Variants in PTPRG observed in about 807,000 individuals in gnomAD.
The protein encoded by PTPRG is protein tyrosine phosphatase receptor type G, also known as receptor-type tyrosine-protein phosphatase gamma.
PTPRG carries 102 observed loss-of-function variants against 165.3 expected under a neutral mutation model. The observed-to-expected ratio is 0.62, with a 90% CI of 0.53 to 0.73. PTPRG has a LOEUF of 0.73. Among genes scored for constraint, PTPRG ranks in the 30% least tolerant of loss-of-function variants. The pLI, the probability that PTPRG is intolerant of heterozygous loss-of-function variation, is 0.00. For missense variants in PTPRG, 1,866 were observed against 1,861.4 expected (o/e 1.00, Z -0.05); for synonymous variants, 675 against 669.5 (o/e 1.01, Z -0.13).
In PTPRG at chr3:62,212,015, G is replaced by C. The variant is rs188440159; in HGVS notation, c.2156-6836G>C. ...AATGGAGGCACTTTACTCAGATTCT[G>C]CTGGGTGCTGAAATAAAGACGGAGA... On this transcript the variant is annotated intron_variant, in intron 12 of 29. Transcript: ENST00000474889. Among the ~76,000 whole-genome samples, 88 of 150,780 alleles carry C rather than the reference G, an allele frequency of 5.8e-4. 1 individual carries two copies. Among genetic ancestry groups the C allele is most frequent in the Non-Finnish European group, 1.1e-3 (74 of 67,784 alleles).
At chr3:61,666,272 G>GT (rs1233581137) in intron 1 of PTPRG, among the ~76,000 whole-genome samples, 1 of 152,220 alleles carries the variant, frequency 6.6e-6, no homozygotes, top group Non-Finnish European at 1.5e-5. Context: ...TTTCTCTTCT[G>GT]TTATCTGTCT....
intron 2 of PTPRG, among the ~76,000 whole-genome samples, chr3:61,759,158 C>T (rs71296738): frequency 3.5e-4 from 53 of 152,094 alleles, no homozygotes; most frequent in Non-Finnish European, 7.2e-4. Flanking sequence ...TGGTTATCTT[C>T]TTGGTTGTCT....
chr3:62,236,211 C>G (rs1701030482), intron 14 of PTPRG, among the ~76,000 whole-genome samples: 1 of 152,192 alleles, frequency 6.6e-6, no homozygotes, highest in Non-Finnish European at 1.5e-5. Context: ...AAGTGGAATC[C>G]CGGAGTTATT....
intron 16 of PTPRG, among the ~76,000 whole-genome samples, chr3:62,259,511 G>C (rs939108426): frequency 6.6e-6 from 1 of 152,238 alleles, no homozygotes; most frequent in South Asian, 2.1e-4. Flanking sequence ...CCATGGATTG[G>C]ATAAGCTTGC....
At chr3:61,590,907 C>A (rs1261110182) in intron 1 of PTPRG, among the ~76,000 whole-genome samples, 3 of 152,044 alleles carry the variant, frequency 2.0e-5, no homozygotes, top group Admixed American at 1.3e-4. Context: ...GTCAGGAGTT[C>A]AAGACCAGCC....
chr3:62,231,964 A>G (rs1559684520), intron 14 of PTPRG, among the ~76,000 whole-genome samples: 1 of 152,144 alleles, frequency 6.6e-6, no homozygotes, highest in African/African-American at 2.4e-5. Context: ...GAGTCTCTTG[A>G]TAATATTTCT....
At chr3:62,265,728 A>G (rs1701841614) in intron 17 of PTPRG, among the ~76,000 whole-genome samples, 1 of 152,022 alleles carries the variant, frequency 6.6e-6, no homozygotes, top group African/African-American at 2.4e-5. Context: ...GGCCAGCTCA[A>G]TCAAGGCTCA....
intron 1 of PTPRG, chr3:61,659,289 C>G: frequency 2.0e-6 from 2 of 984,726 alleles, no homozygotes; most frequent in Middle Eastern, 5.2e-4. Context: ...CTTTCATCGA[C>G]AAAGGCACTG....
At chr3:62,017,982 T>G (rs1274664684) in intron 4 of PTPRG, among the ~76,000 whole-genome samples, 1 of 152,212 alleles carries the variant, frequency 6.6e-6, no homozygotes, top group Non-Finnish European at 1.5e-5. Flanking sequence ...TCTGCAGGTT[T>G]GTTCGCTAGA....
intron 2 of PTPRG, among the ~76,000 whole-genome samples, chr3:61,802,633 C>A (rs952678651): frequency 6.6e-6 from 1 of 152,138 alleles, no homozygotes; most frequent in Non-Finnish European, 1.5e-5. Flanking sequence ...TCCATTCTTT[C>A]ATTCTCAAAA....
In PTPRG at chr3:61,989,704, C is replaced by G. The variant is rs1271291122; in HGVS notation, c.270C>G (p.Asp90Glu). The change falls in exon 3 of 30, where the codon GAC becomes GAG. Residue 90 changes from aspartate (D) to glutamate (E), a missense_variant. By Grantham distance (45) the Asp-to-Glu change is conservative. Transcript: ENST00000474889. ...GRHQSPIDIL[D>E]QYARVGEEYQ... ...ACCAGTCTCCTATTGACATTTTAGA[C>G]CAGTATGCGCGTGTTGGGGAAGAAT... 1.2e-6 allele frequency: 2 copies of G among 1,614,124 alleles called. No individual in the cohort carries two copies. Among genetic ancestry groups the G allele is most frequent in the Non-Finnish European group, 8.5e-7 (1 of 1,179,996 alleles).
intron 8 of PTPRG, among the ~76,000 whole-genome samples, chr3:62,176,700 C>A (rs911189949): frequency 6.6e-6 from 1 of 152,062 alleles, no homozygotes; most frequent in African/African-American, 2.4e-5. Context: ...TCCTGAGAGT[C>A]CTGCACCCAC....
intron 8 of PTPRG, among the ~76,000 whole-genome samples, chr3:62,180,564 A>G (rs1220575432): frequency 1.3e-5 from 2 of 152,216 alleles, no homozygotes; most frequent in Non-Finnish European, 1.5e-5. Flanking sequence ...CTCTCTTAGC[A>G]GGAAATCACA....
At chr3:61,738,740 C>G (rs1220697920) in intron 1 of PTPRG, among the ~76,000 whole-genome samples, 1 of 151,356 alleles carries the variant, frequency 6.6e-6, no homozygotes, top group Non-Finnish European at 1.5e-5. Flanking sequence ...TTATTTGCTT[C>G]CTTAACTCAA....
chr3:61,919,071 C>T (rs1170908549), intron 2 of PTPRG, among the ~76,000 whole-genome samples: 1 of 152,130 alleles, frequency 6.6e-6, no homozygotes, highest in Non-Finnish European at 1.5e-5. Flanking sequence ...AAAATGTTCC[C>T]AAAAGTCGGG....
intron 2 of PTPRG, among the ~76,000 whole-genome samples, chr3:61,852,178 A>T (rs2036981763): frequency 1.3e-5 from 2 of 152,216 alleles, no homozygotes; most frequent in Admixed American, 6.6e-5. Flanking sequence ...AGCTGATACT[A>T]CTTTTCTCTC....
chr3:62,201,821 G>A (rs990520308), intron 11 of PTPRG, among the ~76,000 whole-genome samples: 2 of 152,206 alleles, frequency 1.3e-5, no homozygotes, highest in East Asian at 1.9e-4. Flanking sequence ...ATCAGACGAT[G>A]CAGGACCACA....
At chr3:62,076,866 C>T (rs899174130) in intron 4 of PTPRG, among the ~76,000 whole-genome samples, 3 of 152,222 alleles carry the variant, frequency 2.0e-5, no homozygotes, top group Non-Finnish European at 2.9e-5. Context: ...CAGGCGTGAG[C>T]CACTGCATCC....
intron 1 of PTPRG, among the ~76,000 whole-genome samples, chr3:61,652,981 C>A (rs1702399389): frequency 6.6e-6 from 1 of 152,224 alleles, no homozygotes; most frequent in East Asian, 1.9e-4. Flanking sequence ...ACACTACAAC[C>A]ACCAGATATC....
Sources: allele counts gnomAD v4.1 joint callset (sites outside exome capture counted in the v4.1 genomes callset), GRCh38; gene constraint gnomAD v4.1.1; transcripts MANE v1.5; gene names NCBI Gene and HGNC (gene_info 2026-07-23, HGNC 2026-07-21).